Variants in CNTN5 observed in about 807,000 individuals in gnomAD.
CNTN5 encodes the protein contactin-5.
A neutral mutation model predicts 129.1 loss-of-function variants in CNTN5; 77 were observed. That is an observed-to-expected ratio of 0.60 (90% CI 0.50 to 0.72). The LOEUF (loss-of-function observed/expected upper bound fraction) is 0.72. Ranked by LOEUF, CNTN5 falls within the 30% of genes least tolerant of loss-of-function variation. CNTN5 has a pLI of 0.00. For synonymous variants in CNTN5, 509 were observed against 465.6 expected, an observed-to-expected ratio of 1.09 and a Z score of -1.20; for missense variants, 1,478 against 1,328.8, an observed-to-expected ratio of 1.11 and a Z score of -1.75.
At chr11:100,012,165 C>G (rs1940569708) in intron 9 of CNTN5, among the ~76,000 whole-genome samples, 1 of 152,094 alleles carries the variant, frequency 6.6e-6, no homozygotes, top group African/African-American at 2.4e-5. Context: ...TGGTGCATTA[C>G]AGAATCAAGA....
At chr11:99,258,440 G>A (rs1263046770) in intron 1 of CNTN5, among the ~76,000 whole-genome samples, 5 of 151,938 alleles carry the variant, frequency 3.3e-5, no homozygotes, top group Admixed American at 2.0e-4. Context: ...ATATTCTTAA[G>A]AGTTTATTAT....
At chr11:100,335,643 C>T (rs1470315284) in intron 21 of CNTN5, among the ~76,000 whole-genome samples, 4 of 152,042 alleles carry the variant, frequency 2.6e-5, no homozygotes, top group Non-Finnish European at 5.9e-5. Flanking sequence ...TGGTAGGCAC[C>T]TGTAATCCCA....
chr11:99,707,550 T>G (rs1276436575), intron 3 of CNTN5, among the ~76,000 whole-genome samples: 2 of 151,812 alleles, frequency 1.3e-5, no homozygotes, highest in East Asian at 3.9e-4. Context: ...ATCTAGGTCT[T>G]AGCCCAGGCT....
At chr11:99,660,553 G>C (rs1425362860) in intron 3 of CNTN5, among the ~76,000 whole-genome samples, 2 of 152,124 alleles carry the variant, frequency 1.3e-5, no homozygotes, top group African/African-American at 4.8e-5. Context: ...AATAGTAGGT[G>C]ATGACTGCCT....
intron 2 of CNTN5, among the ~76,000 whole-genome samples, chr11:99,376,977 A>G (rs775533353): frequency 1.3e-4 from 20 of 152,158 alleles, no homozygotes; most frequent in Non-Finnish European, 2.4e-4. Context: ...CTGTCTTACT[A>G]AGAAAGAGTT....
intron 13 of CNTN5, among the ~76,000 whole-genome samples, chr11:100,188,481 C>T (rs1387021969): frequency 1.3e-5 from 2 of 151,828 alleles, no homozygotes; most frequent in African/African-American, 4.8e-5. Flanking sequence ...AACAAACATA[C>T]GAAAAAATGA....
At chr11:99,870,193 A>G (rs139891057) in intron 6 of CNTN5, among the ~76,000 whole-genome samples, 88 of 152,298 alleles carry the variant, frequency 5.8e-4, no homozygotes, top group Middle Eastern at 6.8e-3. Flanking sequence ...ATGAAGAAGA[A>G]GAAAGACGTG....
chr11:100,087,510 A>C (rs35057156), intron 13 of CNTN5, among the ~76,000 whole-genome samples: 22,033 of 151,908 alleles, frequency 0.15, 1,829 homozygotes, highest in East Asian at 0.31. Flanking sequence ...AAGTAAAAAC[A>C]CAAGCCAATC....
intron 9 of CNTN5, among the ~76,000 whole-genome samples, chr11:100,038,924 T>G (rs1452124206): frequency 6.6e-6 from 1 of 152,200 alleles, no homozygotes; most frequent in Non-Finnish European, 1.5e-5. Context: ...CTTTATCCAA[T>G]TTGCCAGTCT....
chr11:99,139,141 C>T (rs72990295), intron 1 of CNTN5, among the ~76,000 whole-genome samples: 3,576 of 138,974 alleles, frequency 0.026, 55 homozygotes, highest in Non-Finnish European at 0.041. Context: ...AGTGTCCATT[C>T]CTGCGGTCCC....
chr11:99,520,435 GAT>G (rs757893927), intron 2 of CNTN5, among the ~76,000 whole-genome samples: 7 of 152,114 alleles, frequency 4.6e-5, no homozygotes, highest in Non-Finnish European at 1.0e-4. Flanking sequence ...ACACAAGAAA[GAT>G]AGGATGATTA....
intron 1 of CNTN5, among the ~76,000 whole-genome samples, chr11:99,247,135 T>C (rs1313595953): frequency 2.0e-5 from 3 of 152,158 alleles, no homozygotes; most frequent in Non-Finnish European, 2.9e-5. Flanking sequence ...TGTTCAAAAC[T>C]TCTTGGGATA....
At chr11:99,890,058 C>G (rs1050409310) in intron 6 of CNTN5, among the ~76,000 whole-genome samples, 10 of 151,992 alleles carry the variant, frequency 6.6e-5, no homozygotes, top group African/African-American at 2.4e-4. Flanking sequence ...TTGTCATGGA[C>G]CAAATAAATT....
intron 1 of CNTN5, among the ~76,000 whole-genome samples, chr11:99,296,153 C>T (rs945507496): frequency 6.6e-6 from 1 of 152,114 alleles, no homozygotes; most frequent in Non-Finnish European, 1.5e-5. Flanking sequence ...AAGCCTTGAT[C>T]TGTGATCTTG....
At chr11:99,485,955 T>C (rs1452834028) in intron 2 of CNTN5, among the ~76,000 whole-genome samples, 1 of 152,072 alleles carries the variant, frequency 6.6e-6, no homozygotes, top group African/African-American at 2.4e-5. Flanking sequence ...AAAATTGTTT[T>C]GTCTCTGTTT....
At chr11:100,264,106 A>T (rs1565382135) in intron 17 of CNTN5, among the ~76,000 whole-genome samples, 1 of 152,246 alleles carries the variant, frequency 6.6e-6, no homozygotes, top group East Asian at 1.9e-4. Context: ...AAAAACATAC[A>T]TAATCATGTA....
chr11:99,199,011 G>A (rs533813643), intron 1 of CNTN5, among the ~76,000 whole-genome samples: 2 of 152,206 alleles, frequency 1.3e-5, no homozygotes, highest in Non-Finnish European at 2.9e-5. Context: ...GGGGAAGGAG[G>A]AATAAAGAAG....
intron 2 of CNTN5, among the ~76,000 whole-genome samples, chr11:99,399,950 T>C (rs1293146742): frequency 1.3e-5 from 2 of 152,090 alleles, no homozygotes; most frequent in African/African-American, 4.8e-5. Context: ...AATCACATCA[T>C]GGAAAATGGA....
At chr11:99,728,860 C>G (rs2135082397) in intron 3 of CNTN5, among the ~76,000 whole-genome samples, 1 of 152,302 alleles carries the variant, frequency 6.6e-6, no homozygotes, top group South Asian at 2.1e-4. Context: ...TTTGAGCATA[C>G]AGTAGAGCCA....
Sources: allele counts gnomAD v4.1 joint callset (sites outside exome capture counted in the v4.1 genomes callset), GRCh38; gene constraint gnomAD v4.1.1; transcripts MANE v1.5; gene names NCBI Gene and HGNC (gene_info 2026-07-23, HGNC 2026-07-21).